The following RP1 variants were observed in gnomAD, a reference collection of about 807,000 sequenced individuals.
The protein encoded by RP1 is RP1 axonemal microtubule associated, also known as oxygen-regulated protein 1.
In RP1, 16 loss-of-function variants were observed where a neutral mutation model predicts 14.8. That is an observed-to-expected ratio of 1.08 (90% CI 0.73 to 1.65). RP1 has a LOEUF of 1.65. Ranked by LOEUF, RP1 falls within the 40% of genes most tolerant of loss-of-function variation. RP1 has a pLI of 0.00. For missense variants in RP1, 2,631 were observed against 2,535.0 expected (o/e 1.04, Z -0.81); for synonymous variants, 876 against 883.6 (o/e 0.99, Z 0.15).
chr8:54,685,368 A>T (rs1057001229), intron 12 of RP1, among the ~76,000 whole-genome samples: 1 of 152,072 alleles, frequency 6.6e-6, no homozygotes, highest in Non-Finnish European at 1.5e-5. Flanking sequence ...TGTTCTCATT[A>T]GTTTCAAAGA....
chr8:54,870,561 T>G (rs2375262), exon 29 of RP1: 100,769 of 151,960 alleles, frequency 0.66, 34,480 homozygotes, highest in African/African-American at 0.84. Context: ...GGTGACAGAG[T>G]CCTGCAGGCA....
chr8:54,675,662 A>T (rs1390691488), intron 8 of RP1, among the ~76,000 whole-genome samples: 1 of 152,206 alleles, frequency 6.6e-6, no homozygotes, highest in Non-Finnish European at 1.5e-5. Flanking sequence ...GTAAAAAAAA[A>T]TTAGTCATTT....
intron 23 of RP1, among the ~76,000 whole-genome samples, chr8:54,780,170 C>T (rs184632417): frequency 6.6e-6 from 1 of 152,338 alleles, no homozygotes; most frequent in African/African-American, 2.4e-5. Context: ...AGTGTGAAAA[C>T]ACCCATGTAC....
intron 6 of RP1, chr8:54,663,664 C>T: frequency 6.7e-7 from 1 of 1,496,834 alleles, no homozygotes; most frequent in Non-Finnish European, 8.8e-7. Flanking sequence ...ATGAGTACTG[C>T]TTGGCACTGA....
intron 7 of RP1, among the ~76,000 whole-genome samples, chr8:54,666,695 G>A (rs1807025060): frequency 1.3e-5 from 2 of 151,930 alleles, no homozygotes; most frequent in Admixed American, 1.3e-4. Flanking sequence ...ACAGCAGCTG[G>A]GATTGTGTGC....
At chr8:54,598,385 G>T (rs6987344) in intron 1 of RP1, among the ~76,000 whole-genome samples, 1 of 151,916 alleles carries the variant, frequency 6.6e-6, no homozygotes, top group Non-Finnish European at 1.5e-5. Flanking sequence ...CCAGTGTTAA[G>T]TGTAGCCCTT....
At chr8:54,771,831 C>G (rs1258921484), downstream of RP1, among the ~76,000 whole-genome samples, 1 of 152,042 alleles carries the variant, frequency 6.6e-6, no homozygotes, top group African/African-American at 2.4e-5. Context: ...GTTAAGCAGT[C>G]TAATCTATTG....
chr8:54,778,445 C>T (rs1357834049), intron 23 of RP1, among the ~76,000 whole-genome samples: 1 of 151,542 alleles, frequency 6.6e-6, no homozygotes, highest in Non-Finnish European at 1.5e-5. Flanking sequence ...CTCCTTCAGC[C>T]TCCTGAGTAG....
At chr8:54,592,588 A>G (rs1282522495) in intron 1 of RP1, among the ~76,000 whole-genome samples, 1 of 152,138 alleles carries the variant, frequency 6.6e-6, no homozygotes, top group Non-Finnish European at 1.5e-5. Context: ...TTTTCTGTGT[A>G]ATTCCCCGGG....
At chr8:54,845,439 C>T (rs1811895531) in intron 25 of RP1, among the ~76,000 whole-genome samples, 1 of 152,114 alleles carries the variant, frequency 6.6e-6, no homozygotes, top group Non-Finnish European at 1.5e-5. Flanking sequence ...AAAACATGAG[C>T]CCTGCCCCTA....
chr8:54,623,777 G>A (rs1384573287), intron 3 of RP1, among the ~76,000 whole-genome samples: 1 of 152,182 alleles, frequency 6.6e-6, no homozygotes. Flanking sequence ...GATTAATTCA[G>A]TCTGAATCAT....
chr8:54,805,159 A>G (rs1353452444), intron 24 of RP1, among the ~76,000 whole-genome samples: 2 of 152,226 alleles, frequency 1.3e-5, no homozygotes, highest in South Asian at 4.1e-4. Flanking sequence ...GCTTTAGATC[A>G]TCCTGGACAG....
intron 17 of RP1, among the ~76,000 whole-genome samples, chr8:54,731,614 T>A (rs1808796501): frequency 6.6e-6 from 1 of 152,146 alleles, no homozygotes; most frequent in African/African-American, 2.4e-5. Flanking sequence ...AGCCATCAAT[T>A]TTTATAATAT....
intron 24 of RP1, among the ~76,000 whole-genome samples, chr8:54,825,138 T>C (rs112700317): frequency 0.039 from 5,965 of 152,012 alleles, 153 homozygotes; most frequent in African/African-American, 0.067. Flanking sequence ...GCCGGCTAAT[T>C]TGAGTAGAGA....
At chr8:54,831,014 T>C (rs1385353592) in intron 24 of RP1, among the ~76,000 whole-genome samples, 2 of 152,136 alleles carry the variant, frequency 1.3e-5, no homozygotes, top group Non-Finnish European at 2.9e-5. Flanking sequence ...GTTTTATCCA[T>C]GTTGAAGCAT....
chr8:54,803,330 C>A (rs182024114), intron 24 of RP1, among the ~76,000 whole-genome samples: 1 of 152,170 alleles, frequency 6.6e-6, no homozygotes, highest in East Asian at 1.9e-4. Context: ...GTTGATAACA[C>A]AATTAGATGT....
chr8:54,635,108 C>T (rs185212987), downstream of RP1, among the ~76,000 whole-genome samples: 18 of 151,492 alleles, frequency 1.2e-4, no homozygotes, highest in Middle Eastern at 6.8e-3. Context: ...ATGTAATATA[C>T]AATGATTATT....
At chr8:54,845,211 G>A (rs1298496705) in intron 25 of RP1, among the ~76,000 whole-genome samples, 1 of 152,174 alleles carries the variant, frequency 6.6e-6, no homozygotes. Flanking sequence ...GAGCACTTTG[G>A]GGCTGGGGTT....
At chr8:54,674,920 T>C (rs1416000044) in intron 8 of RP1, among the ~76,000 whole-genome samples, 1 of 152,192 alleles carries the variant, frequency 6.6e-6, no homozygotes. Flanking sequence ...GAATCCATAG[T>C]AAATATTAAG....
Sources: gnomAD v4.1 joint callset for allele counts (sites outside exome capture counted in the v4.1 genomes callset) on GRCh38, gnomAD v4.1.1 for gene constraint, MANE v1.5 for transcripts, NCBI Gene and HGNC (gene_info 2026-07-23, HGNC 2026-07-21) for gene names.